The following EFHC1 variants were observed in gnomAD, a reference collection of about 807,000 sequenced individuals.
EFHC1 encodes EF-hand domain containing 1, also known as EF-hand domain-containing protein 1.
In EFHC1, 53 loss-of-function variants were observed where a neutral mutation model predicts 69.9. The ratio of observed to expected loss-of-function variants is 0.76; its 90% confidence interval spans 0.61 to 0.95. The LOEUF (loss-of-function observed/expected upper bound fraction) is 0.95. Among genes scored for constraint, EFHC1 ranks in the 40% least tolerant of loss-of-function variants. The probability of loss-of-function intolerance (pLI) is 0.00; values close to 1 mark genes in which losing one functional copy is unlikely to be tolerated. For synonymous variants in EFHC1, 256 were observed against 278.4 expected (o/e 0.92, Z 0.80); for missense variants, 739 against 798.7 (o/e 0.93, Z 0.90).
chr6:52,480,755 A>G (rs1765656531), intron 9 of EFHC1, among the ~76,000 whole-genome samples: 1 of 152,196 alleles, frequency 6.6e-6, no homozygotes, highest in African/African-American at 2.4e-5. Flanking sequence ...CAAAGGCCCT[A>G]AATACTAGCA....
chr6:52,479,583 C>G, intron 8 of EFHC1, 57 bp from the exon 9 acceptor site: 3 of 1,611,000 alleles, frequency 1.9e-6, no homozygotes, highest in Non-Finnish European at 2.5e-6. Flanking sequence ...TACTATTTTA[C>G]TCCTGATTGC....
Position 52,495,756 on chromosome 6 carries a change from A to T in EFHC1, c.*3415A>T, listed in dbSNP as rs1766042367. 2.7e-6 allele frequency: 1 copy of T among 370,406 alleles called. No individual in the cohort carries two copies. The highest frequency in any genetic ancestry group is 3.5e-5 in the Admixed American group (1 of 28,772). 22.9% of individuals were successfully genotyped at this position (370,406 alleles called of 1,614,324 possible). A position where few individuals can be genotyped will look rare whatever the true frequency, so the allele number is the denominator to read the frequency against. ...GTCTCAGAGGGAACTGTCTTCAATA[A>T]AGTTGGCACTGTCCACATACACTCC... On this transcript the variant is annotated 3_prime_UTR_variant, in exon 11 of 11. Coordinates refer to ENST00000371068, the MANE Select transcript of EFHC1 (RefSeq NM_018100.4).
intron 1 of EFHC1, among the ~76,000 whole-genome samples, chr6:52,423,045 A>G (rs1443012724): frequency 6.6e-6 from 1 of 152,224 alleles, no homozygotes; most frequent in Non-Finnish European, 1.5e-5. Flanking sequence ...TACCATTGTA[A>G]TGGGCAGCTT....
chr6:52,440,816 A>G (rs1764646065), intron 3 of EFHC1, among the ~76,000 whole-genome samples: 1 of 152,048 alleles, frequency 6.6e-6, no homozygotes, highest in South Asian at 2.1e-4. Flanking sequence ...TTACTTTTTA[A>G]TAATAGCCAT....
At chr6:52,481,394 T>C (rs896363712) in intron 9 of EFHC1, among the ~76,000 whole-genome samples, 1 of 152,128 alleles carries the variant, frequency 6.6e-6, no homozygotes, top group Non-Finnish European at 1.5e-5. Context: ...GTAGAGAGCA[T>C]ATAGTCTGTT....
At chr6:52,470,416 A>G (rs1369252976) in intron 7 of EFHC1, among the ~76,000 whole-genome samples, 1 of 152,222 alleles carries the variant, frequency 6.6e-6, no homozygotes, top group Non-Finnish European at 1.5e-5. Flanking sequence ...GAATTATTAT[A>G]TGGTAACTAT....
intron 4 of EFHC1, chr6:52,453,535 T>G: frequency 4.7e-6 from 6 of 1,286,584 alleles, no homozygotes; most frequent in Non-Finnish European, 6.1e-6. Flanking sequence ...CATGGTCTTT[T>G]AAGGATTTTG....
At position 52,454,230 on chromosome 6, in the gene EFHC1, C is replaced by T; in HGVS notation, c.859C>T (p.Pro287Ser). The T allele has an allele frequency of 2.5e-6, 4 of 1,614,068 alleles. No individual in the cohort carries two copies. The highest frequency in any genetic ancestry group is 3.4e-6 in the Non-Finnish European group (4 of 1,179,974). ...EVHERNDGRD[P>S]FPLLMNRQRV... ...CCACGAACGGAATGATGGGAGAGAT[C>T]CTTTCCCACTCCTAATGAACCGCCA... Residue 287 changes from proline to serine, a missense_variant, in exon 5 of 11, where the codon CCT becomes TCT. Transcript: ENST00000371068.
intron 7 of EFHC1, among the ~76,000 whole-genome samples, chr6:52,472,087 CTAATA>C (rs1413689639): frequency 1.3e-5 from 2 of 151,164 alleles, no homozygotes; most frequent in Non-Finnish European, 2.9e-5. Context: ...TAAAATCAAT[CTAATA>C]TGATTTAAAA....
intron 2 of EFHC1, among the ~76,000 whole-genome samples, chr6:52,427,086 G>A (rs1474923050): frequency 6.6e-6 from 1 of 151,994 alleles, no homozygotes; most frequent in Non-Finnish European, 1.5e-5. Context: ...AAGTTCTATT[G>A]TTTCTGCTTC....
In EFHC1 at chr6:52,479,086, T is replaced by C. The variant is rs751476384; in HGVS notation, c.1328T>C (p.Phe443Ser). Residue 443 changes from phenylalanine to serine, a missense_variant, in exon 8 of 11, where the codon TTT (phenylalanine) becomes TCT (serine). By Grantham distance (155) the Phe-to-Ser change is radical. Coordinates refer to ENST00000371068, the MANE Select transcript of EFHC1 (RefSeq NM_018100.4). ...GACCGCAGATTTGTCTTCTCTTACT[T>C]TCTAGCTACCGACATGATCAGTATC... is the stretch of plus-strand genomic sequence containing the variant. ...DKDRRFVFSYFLATDMISIFE... is the reference protein window; with the variant it reads ...DKDRRFVFSYSLATDMISIFE... 2 of 1,614,128 alleles carry C rather than the reference T, an allele frequency of 1.2e-6. No homozygotes were observed. Among genetic ancestry groups the C allele is most frequent in the South Asian group, 2.2e-5 (2 of 91,086 alleles).
At chr6:52,437,546 A>T (rs542088126) in intron 2 of EFHC1, 1 of 152,302 alleles carries the variant, frequency 6.6e-6, no homozygotes, top group South Asian at 2.1e-4. Flanking sequence ...AAATAATAGA[A>T]TTTATTTTCT....
chr6:52,443,661 A>G (rs1342749510), intron 3 of EFHC1, among the ~76,000 whole-genome samples: 1 of 152,202 alleles, frequency 6.6e-6, no homozygotes, highest in African/African-American at 2.4e-5. Flanking sequence ...CTGTTTTGGT[A>G]CCAGTACCAT....
chr6:52,472,117 T>A (rs1765448785), intron 7 of EFHC1, among the ~76,000 whole-genome samples: 1 of 150,020 alleles, frequency 6.7e-6, no homozygotes, highest in South Asian at 2.1e-4. Flanking sequence ...AACTCGCATA[T>A]ACCCCTGAAC....
At chr6:52,480,266 C>A (rs1765646774) in intron 9 of EFHC1, 1 of 208,300 alleles carries the variant, frequency 4.8e-6, no homozygotes, top group African/African-American at 2.4e-5. Context: ...TCTTAAAGGT[C>A]TTCATCCTTA....
intron 3 of EFHC1, among the ~76,000 whole-genome samples, chr6:52,450,524 T>A (rs1360207162): frequency 6.6e-6 from 1 of 152,206 alleles, no homozygotes; most frequent in African/African-American, 2.4e-5. Flanking sequence ...TAGTTAGTTT[T>A]TTTTGTTGAG....
chr6:52,435,917 G>T (rs1449042404), intron 2 of EFHC1, among the ~76,000 whole-genome samples: 1 of 152,202 alleles, frequency 6.6e-6, no homozygotes, highest in Non-Finnish European at 1.5e-5. Flanking sequence ...AGCAAGATGT[G>T]TGGAGAGAAT....
intron 3 of EFHC1, among the ~76,000 whole-genome samples, chr6:52,444,924 T>G (rs1277472598): frequency 1.3e-5 from 2 of 152,220 alleles, no homozygotes; most frequent in African/African-American, 2.4e-5. Flanking sequence ...GGTCCTGGAC[T>G]GTTTTTGGTT....
At chr6:52,489,007 A>T (rs1385837236) in intron 9 of EFHC1, 1 of 152,190 alleles carries the variant, frequency 6.6e-6, no homozygotes, top group African/African-American at 2.4e-5. Context: ...ATTATTTGAG[A>T]TTATTTGCTG....
Sources: gnomAD v4.1 joint callset for allele counts (sites outside exome capture counted in the v4.1 genomes callset) on GRCh38, gnomAD v4.1.1 for gene constraint, MANE v1.5 for transcripts, NCBI Gene and HGNC (gene_info 2026-07-23, HGNC 2026-07-21) for gene names.